Variants in PITPNC1 observed in about 807,000 individuals in gnomAD.
The protein encoded by PITPNC1 is cytoplasmic phosphatidylinositol transfer protein 1.
PITPNC1 carries 18 observed loss-of-function variants against 44.7 expected under a neutral mutation model. That is an observed-to-expected ratio of 0.40 (90% CI 0.28 to 0.60). PITPNC1 has a LOEUF of 0.60. Among genes scored for constraint, PITPNC1 ranks in the 20% least tolerant of loss-of-function variants. PITPNC1 has a pLI of 0.39. For synonymous variants in PITPNC1, 141 were observed against 149.6 expected (o/e 0.94, Z 0.42); for missense variants, 290 against 418.4 (o/e 0.69, Z 2.68).
intron 1 of PITPNC1, among the ~76,000 whole-genome samples, chr17:67,494,201 C>CTTTCTTTCTTTT (rs1568012946): frequency 6.9e-6 from 1 of 145,684 alleles, no homozygotes; most frequent in South Asian, 2.2e-4. Context: ...TTCTTTCTTT[C>CTTTCTTTCTTTT]TTTCTTTCTT....
intron 8 of PITPNC1, among the ~76,000 whole-genome samples, chr17:67,680,644 T>A (rs564168691): frequency 1.3e-5 from 2 of 151,850 alleles, no homozygotes; most frequent in East Asian, 3.9e-4. Context: ...CAGTTCTAGA[T>A]CTTAGTGGTC....
intron 5 of PITPNC1, among the ~76,000 whole-genome samples, chr17:67,631,004 G>C (rs1180550055): frequency 6.6e-6 from 1 of 151,282 alleles, no homozygotes; most frequent in Non-Finnish European, 1.5e-5. Context: ...GAACCACTGA[G>C]CCCAGGCCGA....
At chr17:67,611,193 A>C (rs919318533) in intron 5 of PITPNC1, 1 of 152,228 alleles carries the variant, frequency 6.6e-6, no homozygotes, top group Non-Finnish European at 1.5e-5. Flanking sequence ...GCATAGATGA[A>C]TGAGATATAT....
chr17:67,463,762 G>A (rs1416325195), intron 1 of PITPNC1, among the ~76,000 whole-genome samples: 3 of 151,910 alleles, frequency 2.0e-5, no homozygotes, highest in Admixed American at 2.0e-4. Flanking sequence ...AAATTAGCTG[G>A]GCATGGTGGT....
At chr17:67,407,662 T>C (rs2038419791) in intron 1 of PITPNC1, among the ~76,000 whole-genome samples, 1 of 151,634 alleles carries the variant, frequency 6.6e-6, no homozygotes, top group Admixed American at 6.6e-5. Flanking sequence ...ATTAGCTGGG[T>C]GCGTGTAATC....
chr17:67,401,828 G>A (rs2038317616), intron 1 of PITPNC1, among the ~76,000 whole-genome samples: 1 of 151,670 alleles, frequency 6.6e-6, no homozygotes, highest in Non-Finnish European at 1.5e-5. Flanking sequence ...AGAAGACAGA[G>A]TGAGACTCTA....
At chr17:67,544,788 C>G (rs1342170633) in intron 2 of PITPNC1, among the ~76,000 whole-genome samples, 2 of 152,198 alleles carry the variant, frequency 1.3e-5, no homozygotes, top group African/African-American at 4.8e-5. Context: ...TGGCTTGGGT[C>G]TCTCTTTCCC....
At chr17:67,625,046 C>T (rs1380887150) in intron 5 of PITPNC1, among the ~76,000 whole-genome samples, 1 of 152,124 alleles carries the variant, frequency 6.6e-6, no homozygotes, top group Non-Finnish European at 1.5e-5. Context: ...TCCTACTGAG[C>T]AGTTATTCAC....
rs376234103 is a variant in PITPNC1, at chr17:67,624,050, G to T, written c.367-8093G>T. On this transcript the variant is annotated intron_variant, in intron 5 of 8. Coordinates refer to ENST00000581322, the MANE Select transcript of PITPNC1 (RefSeq NM_012417.4). ...CACAGCACGTAATAGTTCATGAAAT[G>T]GATTTACCTTAATTTATTTGGCAAT... is the stretch of plus-strand genomic sequence containing the variant. Among the ~76,000 whole-genome samples, 13 of 151,980 alleles carry T rather than the reference G, an allele frequency of 8.6e-5. No homozygotes were observed. In the South Asian group the frequency reaches 2.7e-3, roughly 32 times the overall value.
chr17:67,690,448 C>CAAAAAAAAAAA (rs58085156), intron 8 of PITPNC1, among the ~76,000 whole-genome samples: 1 of 113,400 alleles, frequency 8.8e-6, no homozygotes, highest in Non-Finnish European at 1.8e-5. Context: ...AACTCTGTCT[C>CAAAAAAAAAAA]AAAAAAAAAA....
At chr17:67,385,366 TCAGTAAAATGCAC>T (rs1419900610) in intron 1 of PITPNC1, among the ~76,000 whole-genome samples, 2 of 152,066 alleles carry the variant, frequency 1.3e-5, no homozygotes, top group African/African-American at 4.8e-5. Flanking sequence ...CAATCAGTGC[TCAGTAAAATGCAC>T]CAATCAGTGC....
chr17:67,514,803 G>A (rs909604398), intron 1 of PITPNC1, among the ~76,000 whole-genome samples: 1 of 152,066 alleles, frequency 6.6e-6, no homozygotes, highest in Non-Finnish European at 1.5e-5. Flanking sequence ...TCCAGCCTGG[G>A]TGACAGAGCA....
At chr17:67,385,709 G>C (rs994905004) in intron 1 of PITPNC1, among the ~76,000 whole-genome samples, 2 of 151,900 alleles carry the variant, frequency 1.3e-5, no homozygotes, top group African/African-American at 2.4e-5. Context: ...ACAGCCAGGG[G>C]ACAGTGGAGG....
intron 1 of PITPNC1, among the ~76,000 whole-genome samples, chr17:67,431,000 TTA>T (rs1473470631): frequency 6.6e-6 from 1 of 151,982 alleles, no homozygotes; most frequent in Non-Finnish European, 1.5e-5. Flanking sequence ...AAGAAGTTCA[TTA>T]TGTGTTTCCA....
intron 8 of PITPNC1, among the ~76,000 whole-genome samples, chr17:67,687,858 T>G (rs2042844454): frequency 6.6e-6 from 1 of 151,956 alleles, no homozygotes; most frequent in Non-Finnish European, 1.5e-5. Flanking sequence ...ATGCCAGCAT[T>G]TTAAGTATCG....
chr17:67,642,660 C>T (rs999782459), intron 6 of PITPNC1, among the ~76,000 whole-genome samples: 1 of 152,046 alleles, frequency 6.6e-6, no homozygotes, highest in African/African-American at 2.4e-5. Flanking sequence ...CTTCCAAACC[C>T]GGGAAAGATA....
chr17:67,579,436 C>T (rs1326168999), intron 5 of PITPNC1, among the ~76,000 whole-genome samples: 1 of 152,112 alleles, frequency 6.6e-6, no homozygotes, highest in Non-Finnish European at 1.5e-5. Context: ...TCCTACCACT[C>T]TGTTCAGGAA....
chr17:67,448,193 C>T (rs1440295627), intron 1 of PITPNC1, among the ~76,000 whole-genome samples: 8 of 152,140 alleles, frequency 5.3e-5, no homozygotes, highest in African/African-American at 1.9e-4. Flanking sequence ...GTGATCCGCC[C>T]GCCTTGGCCT....
chr17:67,449,735 A>T (rs967434636), intron 1 of PITPNC1, among the ~76,000 whole-genome samples: 1 of 152,236 alleles, frequency 6.6e-6, no homozygotes, highest in Admixed American at 6.5e-5. Flanking sequence ...TAGCTGTCCA[A>T]ACAGTCAAAT....
Sources: gnomAD v4.1 joint callset for allele counts (sites outside exome capture counted in the v4.1 genomes callset) on GRCh38, gnomAD v4.1.1 for gene constraint, MANE v1.5 for transcripts, NCBI Gene and HGNC (gene_info 2026-07-23, HGNC 2026-07-21) for gene names.